The following MSRA variants were observed in gnomAD, a reference collection of about 807,000 sequenced individuals.
MSRA encodes mitochondrial peptide methionine sulfoxide reductase.
In MSRA, 54 loss-of-function variants were observed where a neutral mutation model predicts 31.3. That is an observed-to-expected ratio of 1.73 (90% CI 1.39 to 2.17). The LOEUF is 2.17. Among genes scored for constraint, MSRA ranks in the 30% most tolerant of loss-of-function variants. MSRA has a pLI of 0.00. For missense variants in MSRA, 507 were observed against 300.9 expected, an observed-to-expected ratio of 1.69 and a Z score of -5.07; for synonymous variants, 169 against 116.5, an observed-to-expected ratio of 1.45 and a Z score of -2.90.
At chr8:10,396,458 C>A (rs376610072) in intron 5 of MSRA, among the ~76,000 whole-genome samples, 2 of 152,124 alleles carry the variant, frequency 1.3e-5, no homozygotes, top group Admixed American at 6.5e-5. Flanking sequence ...AATGTTATGG[C>A]AAAAATGAGA....
At chr8:10,166,798 C>G (rs568564925) in intron 1 of MSRA, among the ~76,000 whole-genome samples, 1 of 152,250 alleles carries the variant, frequency 6.6e-6, no homozygotes, top group South Asian at 2.1e-4. Flanking sequence ...GCCTCCCTGG[C>G]CCTCATCTGT....
intron 1 of MSRA, among the ~76,000 whole-genome samples, chr8:10,129,379 A>G (rs1356087086): frequency 6.6e-6 from 1 of 152,236 alleles, no homozygotes; most frequent in Non-Finnish European, 1.5e-5. Flanking sequence ...ATTAAAGTCT[A>G]CATCTTTCAG....
At chr8:10,231,467 G>A (rs544359648) in intron 2 of MSRA, among the ~76,000 whole-genome samples, 1 of 152,334 alleles carries the variant, frequency 6.6e-6, no homozygotes, top group African/African-American at 2.4e-5. Context: ...AGCCCCCCAG[G>A]TGGGGATCCC....
At chr8:10,330,683 C>G (rs1251048589) in intron 5 of MSRA, among the ~76,000 whole-genome samples, 2 of 152,246 alleles carry the variant, frequency 1.3e-5, no homozygotes, top group African/African-American at 4.8e-5. Flanking sequence ...CTCCTAGGAA[C>G]TCGTCTCCCA....
chr8:10,378,418 C>T (rs1377864352), intron 5 of MSRA, among the ~76,000 whole-genome samples: 1 of 152,218 alleles, frequency 6.6e-6, no homozygotes, highest in Non-Finnish European at 1.5e-5. Flanking sequence ...GGGCTGCCGG[C>T]TAATCCCCTG....
intron 1 of MSRA, among the ~76,000 whole-genome samples, chr8:10,129,175 T>C (rs957033666): frequency 1.3e-5 from 2 of 152,162 alleles, no homozygotes; most frequent in Admixed American, 6.5e-5. Context: ...TAACAGATGA[T>C]CTGAAATGAG....
At chr8:10,354,244 G>T (rs1397885013) in intron 5 of MSRA, among the ~76,000 whole-genome samples, 2 of 152,182 alleles carry the variant, frequency 1.3e-5, no homozygotes, top group Admixed American at 6.5e-5. Context: ...CTCACTGAAG[G>T]TCTTACTAAG....
chr8:10,112,032 G>GT (rs35107647), intron 1 of MSRA, among the ~76,000 whole-genome samples: 130 of 106,438 alleles, frequency 1.2e-3, no homozygotes, highest in East Asian at 3.9e-3. Flanking sequence ...TTAAGACTCA[G>GT]TTTTTTTTTT....
intron 5 of MSRA, among the ~76,000 whole-genome samples, chr8:10,354,584 A>T (rs558354520): frequency 6.6e-6 from 1 of 152,242 alleles, no homozygotes; most frequent in South Asian, 2.1e-4. Context: ...TAAACAATAG[A>T]ATCAGTATAT....
chr8:10,283,437 T>A (rs1284239348), intron 3 of MSRA, among the ~76,000 whole-genome samples: 2 of 152,014 alleles, frequency 1.3e-5, no homozygotes, highest in Non-Finnish European at 2.9e-5. Context: ...TTTTCTTTTT[T>A]AAAAAAATTT....
chr8:10,162,778 A>T (rs1419080917), intron 1 of MSRA, among the ~76,000 whole-genome samples: 3 of 152,142 alleles, frequency 2.0e-5, no homozygotes, highest in Non-Finnish European at 4.4e-5. Context: ...AACCATTACC[A>T]TTTGTAGATG....
intron 4 of MSRA, among the ~76,000 whole-genome samples, chr8:10,316,242 C>G (rs1234854224): frequency 1.4e-5 from 2 of 144,676 alleles, no homozygotes; most frequent in Non-Finnish European, 3.0e-5. Flanking sequence ...TTTTTTTTTA[C>G]TTAAATTATA....
intron 3 of MSRA, among the ~76,000 whole-genome samples, chr8:10,285,015 CT>C (rs1487774204): frequency 8.1e-5 from 7 of 86,706 alleles, no homozygotes; most frequent in African/African-American, 1.3e-4. Flanking sequence ...CCTCCCCAAT[CT>C]TTTTTTCTTT....
chr8:10,280,768 A>G (rs1190583915), intron 3 of MSRA, among the ~76,000 whole-genome samples: 1 of 152,246 alleles, frequency 6.6e-6, no homozygotes, highest in Non-Finnish European at 1.5e-5. Context: ...CATAAAGTGG[A>G]AACAACCCAA....
chr8:10,361,966 G>A (rs371892359), intron 5 of MSRA, among the ~76,000 whole-genome samples: 1 of 151,982 alleles, frequency 6.6e-6, no homozygotes, highest in African/African-American at 2.4e-5. Flanking sequence ...CTCATGATCT[G>A]CGAGGCTTCC....
intron 4 of MSRA, among the ~76,000 whole-genome samples, chr8:10,310,952 A>T (rs1025524467): frequency 6.6e-6 from 1 of 152,254 alleles, no homozygotes; most frequent in African/African-American, 2.4e-5. Context: ...CAGGCTTTTG[A>T]AAACTTTTAG....
At chr8:10,218,468 G>A (rs1036914530) in intron 2 of MSRA, among the ~76,000 whole-genome samples, 1 of 152,130 alleles carries the variant, frequency 6.6e-6, no homozygotes, top group African/African-American at 2.4e-5. Flanking sequence ...TTTTGGTGAA[G>A]TTAGCATCCC....
chr8:10,343,852 A>G (rs1340640555), intron 5 of MSRA, among the ~76,000 whole-genome samples: 3 of 152,192 alleles, frequency 2.0e-5, no homozygotes, highest in Non-Finnish European at 2.9e-5. Flanking sequence ...TACCCAAACA[A>G]AGAAAATAAT....
chr8:10,188,836 T>C (rs1287048214), intron 1 of MSRA, among the ~76,000 whole-genome samples: 1 of 152,252 alleles, frequency 6.6e-6, no homozygotes, highest in Non-Finnish European at 1.5e-5. Context: ...TAGTTCCAAA[T>C]TGTTTTTGCT....
Sources: gnomAD v4.1 joint callset for allele counts (sites outside exome capture counted in the v4.1 genomes callset) on GRCh38, gnomAD v4.1.1 for gene constraint, MANE v1.5 for transcripts, NCBI Gene and HGNC (gene_info 2026-07-23, HGNC 2026-07-21) for gene names.